Variants in FAM149A observed in about 807,000 individuals in gnomAD.
FAM149A encodes family with sequence similarity 149 member A.
FAM149A carries 71 observed loss-of-function variants against 78.2 expected under a neutral mutation model. That is an observed-to-expected ratio of 0.91 (90% CI 0.75 to 1.11). FAM149A has a LOEUF of 1.11. FAM149A is among the 50% of genes least tolerant of loss of function. FAM149A has a pLI of 0.00. For synonymous variants in FAM149A, 446 were observed against 410.5 expected, an observed-to-expected ratio of 1.09 and a Z score of -1.04; for missense variants, 1,036 against 971.0, an observed-to-expected ratio of 1.07 and a Z score of -0.89.
chr4:186,144,796 C>T lies in FAM149A; in HGVS notation c.567-4377C>T. 1 of 980,346 alleles carries T rather than the reference C, an allele frequency of 1.0e-6. No homozygotes were observed. Among genetic ancestry groups the T allele is most frequent in the Non-Finnish European group, 1.2e-6 (1 of 826,038 alleles). 60.7% of individuals were successfully genotyped at this position (980,346 alleles called of 1,614,324 possible). On this transcript the variant is annotated intron_variant, in intron 1 of 13. Coordinates refer to ENST00000389354, the MANE Select transcript of FAM149A (RefSeq NM_001367768.3). This position sits in a 1 kb window ranked among gnomAD's most constrained non-coding sequence, Gnocchi z 4.2. ...GCCGGGATTAGCTGGCGGGCGAGGGCGCAGCGCAGGGAGGAGGAGGGGAGG... is the reference window on the plus strand; with the variant it reads ...GCCGGGATTAGCTGGCGGGCGAGGGTGCAGCGCAGGGAGGAGGAGGGGAGG...
At chr4:186,125,218 C>G in intron 1 of FAM149A, 1 of 977,224 alleles carries the variant, frequency 1.0e-6, no homozygotes, top group Non-Finnish European at 1.2e-6. Context: ...TTTCCTTTCT[C>G]TCAGTACTTT....
At chr4:186,123,043 T>G (rs182995762) in intron 1 of FAM149A, among the ~76,000 whole-genome samples, 12 of 152,342 alleles carry the variant, frequency 7.9e-5, no homozygotes, top group Admixed American at 6.5e-4. Flanking sequence ...ATGTTTAATT[T>G]TGTTACAAGG....
chr4:186,170,846 T>A (rs1735466419), intron 13 of FAM149A: 1 of 152,270 alleles, frequency 6.6e-6, no homozygotes, highest in South Asian at 2.1e-4. Flanking sequence ...TCTTTGTTCA[T>A]CCATCGGTCG....
At chr4:186,126,339 CAACTT>C (rs1393164772) in intron 1 of FAM149A, among the ~76,000 whole-genome samples, 1 of 152,140 alleles carries the variant, frequency 6.6e-6, no homozygotes, top group African/African-American at 2.4e-5. Context: ...TTTTATGTGT[CAACTT>C]GACTGAGCTA....
At chr4:186,114,453 A>T in intron 1 of FAM149A, among the ~76,000 whole-genome samples, 1 of 3,124 alleles carries the variant, frequency 3.2e-4, no homozygotes, top group African/African-American at 3.9e-4. Flanking sequence ...TTAGCTGGTG[A>T]TTTTGCTCGT....
intron 8 of FAM149A, chr4:186,158,089 C>A: frequency 7.4e-7 from 1 of 1,346,132 alleles, no homozygotes; most frequent in Non-Finnish European, 9.8e-7. Context: ...GCAGCTCGTG[C>A]CATTGTTGCT....
At chr4:186,128,163 G>C (rs2099319199) in intron 1 of FAM149A, among the ~76,000 whole-genome samples, 1 of 151,348 alleles carries the variant, frequency 6.6e-6, no homozygotes, top group African/African-American at 2.4e-5. Flanking sequence ...ACTAATTTTT[G>C]TATTTTTAGT....
chr4:186,120,332 A>G (rs907480081), intron 1 of FAM149A, among the ~76,000 whole-genome samples: 2 of 152,216 alleles, frequency 1.3e-5, no homozygotes, highest in Non-Finnish European at 2.9e-5. Context: ...TGTAAGATTG[A>G]ATTCCTGGAA....
chr4:186,125,805 G>A (rs182767533), intron 1 of FAM149A: 66 of 985,208 alleles, frequency 6.7e-5, no homozygotes, highest in Non-Finnish European at 7.6e-5. Flanking sequence ...ATACCCAACC[G>A]TTTGGAAGGG....
chr4:186,136,642 C>CT (rs1579835621), intron 1 of FAM149A, among the ~76,000 whole-genome samples: 1 of 152,272 alleles, frequency 6.6e-6, no homozygotes, highest in East Asian at 1.9e-4. Flanking sequence ...TATTAAAAGT[C>CT]TAAGTATTTT....
chr4:186,135,201 A>G (rs900952381), intron 1 of FAM149A, among the ~76,000 whole-genome samples: 4 of 152,328 alleles, frequency 2.6e-5, no homozygotes, highest in East Asian at 3.9e-4. Flanking sequence ...GTGCAGACAT[A>G]AGACAGCGGG....
At chr4:186,123,986 T>C (rs2099317165) in intron 1 of FAM149A, 2 of 985,368 alleles carry the variant, frequency 2.0e-6, no homozygotes, top group Non-Finnish European at 2.4e-6. Context: ...GCTAAAATTT[T>C]CTAATGTGTG....
chr4:186,105,478 C>T lies in FAM149A; in HGVS notation c.402C>T (p.Gly134=). The T allele has an allele frequency of 8.2e-7, 1 of 1,212,842 alleles. No individual in the cohort carries two copies. Among genetic ancestry groups the T allele is most frequent in the South Asian group, 1.4e-5 (1 of 70,662 alleles). 75.1% of individuals were successfully genotyped at this position (1,212,842 alleles called of 1,614,324 possible). The change falls in exon 1 of 14, where the codon GGC becomes GGT. Residue 134 remains glycine (G), a synonymous_variant. Coordinates refer to ENST00000389354, the MANE Select transcript of FAM149A (RefSeq NM_001367768.3). Reference sequence around the variant, plus strand: ...CAGCGCGGCCGCCCTCGGGCCCCGGCGGGGTCTGGGCCGCGCTCCCCAGGA... The same window carrying T: ...CAGCGCGGCCGCCCTCGGGCCCCGGTGGGGTCTGGGCCGCGCTCCCCAGGA...
At position 186,165,403 on chromosome 4, in the gene FAM149A, C is replaced by T. The variant is rs761474793; in HGVS notation, c.1949C>T (p.Pro650Leu). ...GTTCAAACGTCACGGAGCAGGTTCC[C>T]CCCGCTAGTCACGGAGACCAGGGGG... is the stretch of plus-strand genomic sequence containing the variant. The change falls in exon 11 of 14, where the codon CCC becomes CTC. Residue 650 changes from proline to leucine, a missense_variant. Transcript: ENST00000389354. The T allele has an allele frequency of 3.7e-6, 6 of 1,613,928 alleles. No homozygotes were observed. The highest frequency in any genetic ancestry group is 1.3e-5 in the African/African-American group (1 of 74,934).
Position 186,172,354 on chromosome 4 carries a change from C to T in FAM149A, c.*367C>T, listed in dbSNP as rs1735603516. On this transcript the variant is annotated 3_prime_UTR_variant, in exon 14 of 14. Transcript: ENST00000389354. ...TTATCTAGGAATATGTCATTTGTAA[C>T]TTTGTACTCTGACGTATTTTCTAGT... 1.6e-5 allele frequency: 1 copy of T among 60,952 alleles called. No homozygotes were observed. Among genetic ancestry groups the T allele is most frequent in the Non-Finnish European group, 5.1e-5 (1 of 19,484 alleles). The allele number at this position is 60,952 out of a possible 1,614,324, so 3.8% of individuals were successfully genotyped here.
At chr4:186,117,310 A>G (rs749923212) in intron 1 of FAM149A, among the ~76,000 whole-genome samples, 3 of 152,226 alleles carry the variant, frequency 2.0e-5, no homozygotes, top group Non-Finnish European at 4.4e-5. Flanking sequence ...ATGAATATCT[A>G]TTCCATCTAA....
chr4:186,137,128 T>G (rs2099323713), intron 1 of FAM149A, among the ~76,000 whole-genome samples: 1 of 152,126 alleles, frequency 6.6e-6, no homozygotes, highest in South Asian at 2.1e-4. Context: ...TGAAAGGAAC[T>G]TTAACAGAAA....
chr4:186,136,972 CTCTT>C (rs1405158135), intron 1 of FAM149A, among the ~76,000 whole-genome samples: 4,574 of 73,128 alleles, frequency 0.063, 217 homozygotes, highest in African/African-American at 0.071. Context: ...CTTTCTCTCT[CTCTT>C]TCTCTCTCTC....
At chr4:186,120,079 G>A (rs1232794538) in intron 1 of FAM149A, among the ~76,000 whole-genome samples, 1 of 152,186 alleles carries the variant, frequency 6.6e-6, no homozygotes, top group Non-Finnish European at 1.5e-5. Flanking sequence ...ATGTTTCACA[G>A]ATGAATGTGA....
Sources: allele counts gnomAD v4.1 joint callset (sites outside exome capture counted in the v4.1 genomes callset), GRCh38; gene constraint gnomAD v4.1.1; non-coding constraint Gnocchi (gnomAD v3.1); transcripts MANE v1.5; gene names NCBI Gene and HGNC (gene_info 2026-07-23, HGNC 2026-07-21).